EYS: variants seen among roughly 807,000 people sequenced by gnomAD.
EYS encodes the protein protein eyes shut homolog.
A neutral mutation model predicts 282.1 loss-of-function variants in EYS; 250 were observed. The observed-to-expected ratio is 0.89, with a 90% CI of 0.80 to 0.98. EYS has a LOEUF of 0.98. EYS is among the 50% of genes least tolerant of loss of function. The pLI, the probability that EYS is intolerant of heterozygous loss-of-function variation, is 0.00. For synonymous variants in EYS, 1,355 were observed against 1,282.9 expected, an observed-to-expected ratio of 1.06 and a Z score of -1.20; for missense variants, 4,016 against 3,709.0, an observed-to-expected ratio of 1.08 and a Z score of -2.15.
chr6:64,945,126 A>T (rs77850974), intron 15 of EYS, among the ~76,000 whole-genome samples: 5,671 of 131,510 alleles, frequency 0.043, 129 homozygotes, highest in South Asian at 0.097. Flanking sequence ...TTCTCTATTA[A>T]AAAAAAAAAA....
At chr6:65,464,178 C>A (rs978202200) in intron 5 of EYS, among the ~76,000 whole-genome samples, 1 of 152,058 alleles carries the variant, frequency 6.6e-6, no homozygotes. Context: ...AAAGTATACA[C>A]ATTGATGCAT....
At chr6:65,390,981 T>C (rs1766008212) in intron 7 of EYS, among the ~76,000 whole-genome samples, 4 of 152,126 alleles carry the variant, frequency 2.6e-5, no homozygotes. Flanking sequence ...GGAAGAATAC[T>C]GGATATTAAC....
At position 65,494,764 on chromosome 6, in the gene EYS, G is replaced by A. The variant is rs780733593; in HGVS notation, c.647C>T (p.Ala216Val). 2 of 1,613,898 alleles carry A rather than the reference G, an allele frequency of 1.2e-6. No individual in the cohort carries two copies. Among genetic ancestry groups the A allele is most frequent in the Non-Finnish European group, 8.5e-7 (1 of 1,179,962 alleles). The change falls in exon 4 of 43, where the codon GCA becomes GTA. Residue 216 changes from alanine to valine, a missense_variant. Physicochemically the swap from Ala to Val is moderately conservative, Grantham distance 64. Coordinates refer to ENST00000503581, the MANE Select transcript of EYS (RefSeq NM_001142800.2). ...ATTTTTACATGGTTTAAAAGAACAT[G>A]CATCAAGTTCCTGGCAGTATTTTCC... ...FSGKYCQELD[A>V]CSFKPCKNNG...
chr6:64,310,082 A>G (rs1326997609), intron 29 of EYS, among the ~76,000 whole-genome samples: 1 of 147,428 alleles, frequency 6.8e-6, no homozygotes, highest in Admixed American at 6.7e-5. Flanking sequence ...AAAAAAAAAT[A>G]ACAGATGCTG....
At chr6:65,501,777 AG>A (rs1325516388) in intron 2 of EYS, among the ~76,000 whole-genome samples, 1 of 151,716 alleles carries the variant, frequency 6.6e-6, no homozygotes, top group African/African-American at 2.4e-5. Context: ...GTAAGAAATT[AG>A]TTTTTTTGAA....
chr6:64,268,764 G>A (rs1315893620), intron 30 of EYS, among the ~76,000 whole-genome samples: 3 of 152,100 alleles, frequency 2.0e-5, no homozygotes, highest in Non-Finnish European at 4.4e-5. Context: ...TTACAAAAAT[G>A]AGATGAGTAT....
At chr6:65,702,072 G>C (rs1436569719) in intron 1 of EYS, among the ~76,000 whole-genome samples, 1 of 152,148 alleles carries the variant, frequency 6.6e-6, no homozygotes, top group Admixed American at 6.5e-5. Flanking sequence ...ACCACCACAG[G>C]GTAGGGAGAT....
intron 5 of EYS, among the ~76,000 whole-genome samples, chr6:65,462,948 A>C (rs1045568149): frequency 6.6e-6 from 1 of 152,108 alleles, no homozygotes; most frequent in Non-Finnish European, 1.5e-5. Context: ...GGTATTCAAA[A>C]TAATATTATT....
intron 36 of EYS, among the ~76,000 whole-genome samples, chr6:63,863,815 A>T (rs1305774966): frequency 1.3e-5 from 2 of 151,608 alleles, no homozygotes; most frequent in African/African-American, 4.9e-5. Context: ...AGCTGGGATT[A>T]TAGGCGCATG....
intron 11 of EYS, chr6:65,300,708 G>T (rs1299646142): frequency 6.6e-6 from 1 of 152,154 alleles, no homozygotes; most frequent in African/African-American, 2.4e-5. Flanking sequence ...TGATCAAAGA[G>T]ACCTGGCTGA....
At chr6:64,842,997 T>C (rs773310008) in intron 19 of EYS, among the ~76,000 whole-genome samples, 3 of 152,014 alleles carry the variant, frequency 2.0e-5, no homozygotes, top group African/African-American at 7.2e-5. Context: ...CTCCAGGGCA[T>C]GTCATAGGTC....
intron 28 of EYS, among the ~76,000 whole-genome samples, chr6:64,400,124 T>G (rs1163388120): frequency 6.6e-6 from 1 of 151,984 alleles, no homozygotes; most frequent in Non-Finnish European, 1.5e-5. Flanking sequence ...ATATTGCATT[T>G]GAGGTTTTTC....
rs951052885 is a variant in EYS, at chr6:64,336,287, G to A, written c.6079-29205C>T. Reference sequence around the variant, plus strand: ...ACATAAACTTAAAGGTGTAGGAAAAGGAATTTCATGCAAATAGACGCCAAA... The same window carrying A: ...ACATAAACTTAAAGGTGTAGGAAAAAGAATTTCATGCAAATAGACGCCAAA... On this transcript the variant is annotated intron_variant, in intron 29 of 42. Transcript: ENST00000503581. Among the ~76,000 whole-genome samples, 43 of 152,028 alleles carry A rather than the reference G, an allele frequency of 2.8e-4. 1 individual carries two copies. The highest frequency in any genetic ancestry group is 2.6e-3 in the Admixed American group (39 of 15,242).
At chr6:65,621,211 G>T (rs1175992572) in intron 2 of EYS, among the ~76,000 whole-genome samples, 3 of 152,086 alleles carry the variant, frequency 2.0e-5, no homozygotes, top group African/African-American at 7.2e-5. Flanking sequence ...GGTCGCTCAG[G>T]ACTTGCTTTA....
chr6:64,305,808 T>C (rs191994650), intron 30 of EYS, among the ~76,000 whole-genome samples: 1 of 152,238 alleles, frequency 6.6e-6, no homozygotes, highest in Non-Finnish European at 1.5e-5. Context: ...GCTCACAACA[T>C]AGAATTTGGC....
intron 35 of EYS, among the ~76,000 whole-genome samples, chr6:63,879,573 C>A (rs1773073292): frequency 6.6e-6 from 1 of 152,074 alleles, no homozygotes. Flanking sequence ...TGGCAGAATC[C>A]TTTTTAGGCT....
intron 14 of EYS, among the ~76,000 whole-genome samples, chr6:64,991,430 G>A (rs1452981010): frequency 1.3e-5 from 2 of 151,608 alleles, no homozygotes; most frequent in African/African-American, 4.8e-5. Context: ...TACTGATGAT[G>A]TTGCAGCAAG....
chr6:64,192,846 AC>A (rs1765158080), intron 31 of EYS, among the ~76,000 whole-genome samples: 1 of 152,226 alleles, frequency 6.6e-6, no homozygotes, highest in Non-Finnish European at 1.5e-5. Flanking sequence ...CATGTGGATA[AC>A]TAATTGCCCT....
intron 35 of EYS, among the ~76,000 whole-genome samples, chr6:63,883,874 T>C (rs1773194693): frequency 6.6e-6 from 1 of 152,228 alleles, no homozygotes; most frequent in African/African-American, 2.4e-5. Flanking sequence ...TCAGCCTCAA[T>C]GTTATTTCCT....
Sources: gnomAD v4.1 joint callset for allele counts (sites outside exome capture counted in the v4.1 genomes callset) on GRCh38, gnomAD v4.1.1 for gene constraint, MANE v1.5 for transcripts, NCBI Gene and HGNC (gene_info 2026-07-23, HGNC 2026-07-21) for gene names.